EDA: variants seen among roughly 807,000 people sequenced by gnomAD.
The protein encoded by EDA is ectodysplasin A.
EDA carries 2 observed loss-of-function variants against 23.6 expected under a neutral mutation model. The ratio of observed to expected loss-of-function variants is 0.08; its 90% CI spans 0.03 to 0.27. The LOEUF (loss-of-function observed/expected upper bound fraction) is 0.27, where lower values mean the gene tolerates loss of function less well. Ranked by LOEUF, EDA falls within the 10% of genes least tolerant of loss-of-function variation. The probability of loss-of-function intolerance (pLI) is 1.00; values close to 1 mark genes in which losing one functional copy is unlikely to be tolerated. For synonymous variants in EDA, 131 were observed against 132.0 expected (o/e 0.99, Z 0.05); for missense variants, 229 against 324.2 (o/e 0.71, Z 2.26).
intron 1 of EDA, among the ~76,000 whole-genome samples, chrX:69,833,297 T>A (rs1440733229): frequency 9.0e-6 from 1 of 110,968 alleles, no homozygotes; most frequent in Non-Finnish European, 1.9e-5. Flanking sequence ...GTTGAGATAA[T>A]CATGTGGTTT....
chrX:69,813,183 C>T (rs1054454729), intron 1 of EDA, among the ~76,000 whole-genome samples: 3 of 111,772 alleles, frequency 2.7e-5, no homozygotes, highest in African/African-American at 9.7e-5. Context: ...AGCACTGCTC[C>T]ACACATTCTC....
At chrX:69,794,909 G>C (rs1251899401) in intron 1 of EDA, among the ~76,000 whole-genome samples, 1 of 112,084 alleles carries the variant, frequency 8.9e-6, no homozygotes, top group African/African-American at 3.2e-5. Flanking sequence ...GCTCACCCTT[G>C]GATGGACAGG....
intron 3 of EDA, among the ~76,000 whole-genome samples, chrX:70,023,736 G>T (rs1256595811): frequency 9.0e-6 from 1 of 110,865 alleles, no homozygotes; most frequent in Non-Finnish European, 1.9e-5. Context: ...CCTATCAAAA[G>T]ATGTCAGTAC....
intron 1 of EDA, among the ~76,000 whole-genome samples, chrX:69,688,802 A>G (rs1448551680): frequency 8.9e-6 from 1 of 112,139 alleles, no homozygotes; most frequent in Non-Finnish European, 1.9e-5. Flanking sequence ...AAACTGCAGA[A>G]GTAGCAAGGT....
intron 1 of EDA, among the ~76,000 whole-genome samples, chrX:69,631,653 A>G (rs759823677): frequency 2.8e-5 from 3 of 105,449 alleles, no homozygotes; most frequent in Non-Finnish European, 3.9e-5. Flanking sequence ...TTTTTGTGGT[A>G]GAATACTCCT....
At chrX:69,807,994 A>G (rs983959853) in intron 1 of EDA, among the ~76,000 whole-genome samples, 30 of 111,669 alleles carry the variant, frequency 2.7e-4, no homozygotes, top group Admixed American at 6.7e-4. Flanking sequence ...AAGTGGGCAT[A>G]AGGAATAAAT....
intron 2 of EDA, among the ~76,000 whole-genome samples, chrX:69,984,023 G>A (rs1257274517): frequency 1.1e-5 from 1 of 94,937 alleles, no homozygotes; most frequent in African/African-American, 4.0e-5. Flanking sequence ...AATGACTACT[G>A]GGTACATAAC....
chrX:69,964,751 G>A (rs1009932819), intron 2 of EDA, among the ~76,000 whole-genome samples: 16 of 111,222 alleles, frequency 1.4e-4, no homozygotes, highest in Non-Finnish European at 2.6e-4. Context: ...AAATATCACA[G>A]GCAGATATAG....
chrX:69,825,622 A>C (rs760863779), intron 1 of EDA, among the ~76,000 whole-genome samples: 11 of 112,730 alleles, frequency 9.8e-5, no homozygotes, highest in Admixed American at 3.7e-4. Flanking sequence ...GTGGTCTATC[A>C]ATTTTGTTGA....
chrX:69,751,615 A>G lies in EDA; in HGVS notation c.396+134911A>G, dbSNP rs1355187041. Among the ~76,000 whole-genome samples the G allele has an allele frequency of 4.5e-5, 5 of 111,715 alleles. No homozygotes were observed. In the East Asian group the frequency reaches 8.3e-4, roughly 19 times the overall value. ...GCATTGAATCTATAAATTACCTTGGACAGTATGGCCATTTTCACGATATTG... is the reference window on the plus strand; with the variant it reads ...GCATTGAATCTATAAATTACCTTGGGCAGTATGGCCATTTTCACGATATTG... On this transcript the variant is annotated intron_variant, in intron 1 of 7. Transcript: ENST00000374552.
At chrX:69,699,531 G>A (rs1024098390) in intron 1 of EDA, among the ~76,000 whole-genome samples, 1 of 111,365 alleles carries the variant, frequency 9.0e-6, no homozygotes, top group African/African-American at 3.3e-5. Flanking sequence ...AAACTGTTAG[G>A]TTGGCATGGA....
At chrX:69,860,444 T>C (rs1412640197) in intron 1 of EDA, among the ~76,000 whole-genome samples, 2 of 111,713 alleles carry the variant, frequency 1.8e-5, no homozygotes, top group African/African-American at 6.5e-5. Context: ...TCCCTCAGCA[T>C]TTGCTTGTCT....
intron 1 of EDA, among the ~76,000 whole-genome samples, chrX:69,895,502 G>A (rs2018001373): frequency 9.1e-6 from 1 of 109,995 alleles, no homozygotes; most frequent in South Asian, 3.9e-4. Flanking sequence ...TCAACTGGCA[G>A]ACCAAGATGT....
Position 69,887,255 on chromosome X carries a change from C to T in EDA, c.397-69772C>T, listed in dbSNP as rs2017843277. 2.7e-5 allele frequency among the ~76,000 whole-genome samples: 3 copies of T among 111,385 alleles called. No individual in the cohort carries two copies. The South Asian group carries it at 1.1e-3, about 43-fold the overall frequency. Reference sequence around the variant, plus strand: ...ACCCAGGAGGTAGGCTGCAGTAAGCCATGATCGCACCACTGCACTCTAGCC... The same window carrying T: ...ACCCAGGAGGTAGGCTGCAGTAAGCTATGATCGCACCACTGCACTCTAGCC... On this transcript the variant is annotated intron_variant, in intron 1 of 7. Coordinates refer to ENST00000374552, the MANE Select transcript of EDA (RefSeq NM_001399.5).
At chrX:69,628,043 G>A (rs1932450634) in intron 1 of EDA, among the ~76,000 whole-genome samples, 1 of 111,875 alleles carries the variant, frequency 8.9e-6, no homozygotes, top group African/African-American at 3.3e-5. Context: ...ATGAAGAGTA[G>A]TTTTTATTGG....
At chrX:69,757,948 A>G (rs1023015786) in intron 1 of EDA, among the ~76,000 whole-genome samples, 2 of 112,148 alleles carry the variant, frequency 1.8e-5, no homozygotes, top group African/African-American at 6.5e-5. Context: ...TGTGGAATAT[A>G]TTTTCTATGT....
chrX:69,679,586 A>T (rs1435523604), intron 1 of EDA, among the ~76,000 whole-genome samples: 1 of 111,720 alleles, frequency 9.0e-6, no homozygotes, highest in African/African-American at 3.3e-5. Context: ...CATTTCTTCT[A>T]GATTTTCTAG....
At chrX:69,682,725 A>G (rs753437496) in intron 1 of EDA, among the ~76,000 whole-genome samples, 2 of 110,310 alleles carry the variant, frequency 1.8e-5, no homozygotes, top group East Asian at 5.7e-4. Context: ...ACTGTCTGGC[A>G]CTCCCTAGTG....
intron 1 of EDA, among the ~76,000 whole-genome samples, chrX:69,832,689 T>C (rs1013910311): frequency 8.9e-6 from 1 of 111,785 alleles, no homozygotes; most frequent in Non-Finnish European, 1.9e-5. Context: ...TATTCTTCCA[T>C]TTGTCTGTGT....
Sources: gnomAD v4.1 joint callset for allele counts (sites outside exome capture counted in the v4.1 genomes callset) on GRCh38, gnomAD v4.1.1 for gene constraint, MANE v1.5 for transcripts, NCBI Gene and HGNC (gene_info 2026-07-23, HGNC 2026-07-21) for gene names.